The following RGS7 variants were observed in gnomAD, a reference collection of about 807,000 sequenced individuals.
The protein encoded by RGS7 is regulator of G protein signaling 7.
A neutral mutation model predicts 81.1 loss-of-function variants in RGS7; 27 were observed. The ratio of observed to expected loss-of-function variants is 0.33; its 90% confidence interval spans 0.25 to 0.46. The LOEUF (loss-of-function observed/expected upper bound fraction) is 0.46, where lower values mean the gene tolerates loss of function less well. Among genes scored for constraint, RGS7 ranks in the 20% least tolerant of loss-of-function variants. The pLI is 1.00. For synonymous variants in RGS7, 208 were observed against 207.7 expected, an observed-to-expected ratio of 1.00 and a Z score of -0.01; for missense variants, 396 against 607.4, an observed-to-expected ratio of 0.65 and a Z score of 3.66.
At position 241,164,179 on chromosome 1, in the gene RGS7, G is replaced by A. The variant is rs2069975872; in HGVS notation, c.79-65417C>T. On this transcript the variant is annotated intron_variant, in intron 2 of 18. Transcript: ENST00000440928. The surrounding 1 kb of genome is among the most constrained non-coding windows in gnomAD (Gnocchi z 4.1). ...ATGCATAGGGTGAGGTATGGAGGAAGGGTTGTGGAGCTTCCATGACCTTCC... is the reference window on the plus strand; with the variant it reads ...ATGCATAGGGTGAGGTATGGAGGAAAGGTTGTGGAGCTTCCATGACCTTCC... Among the ~76,000 whole-genome samples the A allele has an allele frequency of 6.6e-6, 1 of 152,180 alleles. No individual in the cohort carries two copies. Among genetic ancestry groups the A allele is most frequent in the East Asian group, 1.9e-4 (1 of 5,174 alleles).
chr1:241,234,471 C>CTTTTTCTT (rs1242520191), intron 2 of RGS7, among the ~76,000 whole-genome samples: 4 of 151,088 alleles, frequency 2.6e-5, no homozygotes, highest in Non-Finnish European at 5.9e-5. Flanking sequence ...TCTTGTTTTT[C>CTTTTTCTT]TTTTTCTTTT....
chr1:240,985,386 T>G (rs1039289079), intron 3 of RGS7, among the ~76,000 whole-genome samples: 26 of 152,238 alleles, frequency 1.7e-4, no homozygotes, highest in African/African-American at 6.0e-4. Flanking sequence ...TGAAAAATGC[T>G]CTTAGAGACT....
At chr1:241,064,796 T>C (rs988325849) in intron 3 of RGS7, among the ~76,000 whole-genome samples, 13 of 152,090 alleles carry the variant, frequency 8.5e-5, no homozygotes, top group African/African-American at 1.2e-4. Context: ...GTACTCTGGA[T>C]GTTCTTTGTG....
intron 18 of RGS7, among the ~76,000 whole-genome samples, chr1:240,777,175 A>T (rs1683092470): frequency 6.6e-6 from 1 of 152,226 alleles, no homozygotes; most frequent in South Asian, 2.1e-4. Context: ...GGCACCTGTA[A>T]TCCCAGCTAC....
intron 2 of RGS7, among the ~76,000 whole-genome samples, chr1:241,179,469 C>T (rs1381588694): frequency 6.6e-6 from 1 of 152,180 alleles, no homozygotes; most frequent in East Asian, 1.9e-4. Flanking sequence ...TCCCATTGGA[C>T]ATGCTGAAAA....
intron 3 of RGS7, among the ~76,000 whole-genome samples, chr1:241,063,528 G>T (rs1195444094): frequency 6.6e-6 from 1 of 152,186 alleles, no homozygotes; most frequent in African/African-American, 2.4e-5. Flanking sequence ...CCCCAGAGCA[G>T]CTATTTTAAA....
chr1:241,025,591 G>A (rs2059743203), intron 3 of RGS7, among the ~76,000 whole-genome samples: 1 of 152,056 alleles, frequency 6.6e-6, no homozygotes, highest in Admixed American at 6.6e-5. Context: ...ACATTGCTGA[G>A]AACTGATGAA....
At chr1:241,025,977 T>C (rs2059762475) in intron 3 of RGS7, among the ~76,000 whole-genome samples, 1 of 152,206 alleles carries the variant, frequency 6.6e-6, no homozygotes, top group Non-Finnish European at 1.5e-5. Context: ...TAATAGAACA[T>C]AGTAATGTGG....
rs77031543 is a variant in RGS7, at chr1:241,301,753, A to G, written c.78+53946T>C. ...GATACTTACAATAGTGTAATCTCTTAAAAGTTTTCTACCTCTGCACTTAAG... is the reference window on the plus strand; with the variant it reads ...GATACTTACAATAGTGTAATCTCTTGAAAGTTTTCTACCTCTGCACTTAAG... On this transcript the variant is annotated intron_variant, in intron 2 of 18. Transcript: ENST00000440928. Among the ~76,000 whole-genome samples the G allele has an allele frequency of 8.7e-3, 1,321 of 152,346 alleles. 20 individuals are homozygous for G. The highest frequency in any genetic ancestry group is 0.03 in the African/African-American group (1,255 of 41,576).
chr1:241,126,689 C>T (rs2066687262), intron 2 of RGS7, among the ~76,000 whole-genome samples: 1 of 152,184 alleles, frequency 6.6e-6, no homozygotes, highest in Non-Finnish European at 1.5e-5. Context: ...CCTCCAGCCC[C>T]CCATACACCC....
intron 2 of RGS7, among the ~76,000 whole-genome samples, chr1:241,201,996 A>G (rs1164176612): frequency 9.1e-6 from 1 of 109,650 alleles, no homozygotes; most frequent in Non-Finnish European, 1.9e-5. Flanking sequence ...CCCTGCAAAC[A>G]CACAGACACA....
intron 10 of RGS7, chr1:240,823,148 T>C: frequency 8.6e-7 from 1 of 1,160,326 alleles, no homozygotes; most frequent in Non-Finnish European, 1.3e-6. Flanking sequence ...ATGGCCACAT[T>C]GGGGATTTCC....
chr1:240,817,280 T>C (rs1022888390), intron 10 of RGS7, among the ~76,000 whole-genome samples: 13 of 152,318 alleles, frequency 8.5e-5, no homozygotes, highest in African/African-American at 2.6e-4. Flanking sequence ...TGTGTGTTAT[T>C]GAGCACTTTT....
At chr1:241,162,088 C>G (rs371717032) in intron 2 of RGS7, among the ~76,000 whole-genome samples, 94 of 152,158 alleles carry the variant, frequency 6.2e-4, no homozygotes, top group African/African-American at 2.2e-3. Context: ...AACCCCTCCC[C>G]AGGAATGTCA....
chr1:241,066,478 G>A (rs1052147342), intron 3 of RGS7, among the ~76,000 whole-genome samples: 6 of 152,188 alleles, frequency 3.9e-5, no homozygotes, highest in African/African-American at 1.2e-4. Flanking sequence ...CTTCTCCTTA[G>A]CCATATTCCA....
intron 2 of RGS7, among the ~76,000 whole-genome samples, chr1:241,187,552 C>A (rs769992510): frequency 6.6e-6 from 1 of 152,072 alleles, no homozygotes; most frequent in Non-Finnish European, 1.5e-5. Flanking sequence ...ATTGCAGTCT[C>A]GTTTCAGTCT....
At chr1:241,061,685 T>C (rs2061745792) in intron 3 of RGS7, among the ~76,000 whole-genome samples, 1 of 152,062 alleles carries the variant, frequency 6.6e-6, no homozygotes, top group African/African-American at 2.4e-5. Context: ...AAAGGAGGGA[T>C]GCCTGAGCTA....
intron 3 of RGS7, among the ~76,000 whole-genome samples, chr1:241,018,169 G>A (rs1192894010): frequency 8.1e-6 from 1 of 122,992 alleles, no homozygotes; most frequent in Non-Finnish European, 1.6e-5. Flanking sequence ...ATTTTTAGTA[G>A]ACACGGTGTT....
At chr1:240,932,614 T>C (rs922157231) in intron 5 of RGS7, among the ~76,000 whole-genome samples, 1 of 149,744 alleles carries the variant, frequency 6.7e-6, no homozygotes, top group African/African-American at 2.5e-5. Context: ...GTTCACGCCA[T>C]TCTCCTGCCT....
Sources: allele counts gnomAD v4.1 joint callset (sites outside exome capture counted in the v4.1 genomes callset), GRCh38; gene constraint gnomAD v4.1.1; non-coding constraint Gnocchi (gnomAD v3.1); transcripts MANE v1.5; gene names NCBI Gene and HGNC (gene_info 2026-07-23, HGNC 2026-07-21).